IL1R2: variants seen among roughly 807,000 people sequenced by gnomAD.
IL1R2 encodes interleukin-1 receptor type 2.
A neutral mutation model predicts 39.5 loss-of-function variants in IL1R2; 46 were observed. That is an observed-to-expected ratio of 1.16 (90% CI 0.92 to 1.49). IL1R2 has a LOEUF of 1.49. Ranked by LOEUF, IL1R2 falls within the 40% of genes most tolerant of loss-of-function variation. The pLI is 0.00. For synonymous variants in IL1R2, 207 were observed against 189.6 expected, an observed-to-expected ratio of 1.09 and a Z score of -0.75; for missense variants, 537 against 502.0, an observed-to-expected ratio of 1.07 and a Z score of -0.67.
chr2:102,016,565 G>A, intron 4 of IL1R2: 1 of 153,676 alleles, frequency 6.5e-6, no homozygotes, highest in Non-Finnish European at 1.5e-5. Context: ...CCTAGGAGCA[G>A]CAGGCTGTAT....
intron 5 of IL1R2, among the ~76,000 whole-genome samples, chr2:102,021,375 G>A (rs1243512782): frequency 1.3e-5 from 2 of 150,004 alleles, no homozygotes; most frequent in East Asian, 2.0e-4. Context: ...GAGTGCAATG[G>A]CGCGATCTCG....
chr2:101,992,324 G>A (rs1228744989), intron 1 of IL1R2, among the ~76,000 whole-genome samples: 1 of 149,924 alleles, frequency 6.7e-6, no homozygotes, highest in East Asian at 1.9e-4. Flanking sequence ...GACAGAGACA[G>A]AGAGAGGCAG....
At chr2:102,018,886 A>G (rs563779682) in intron 4 of IL1R2, among the ~76,000 whole-genome samples, 1 of 152,360 alleles carries the variant, frequency 6.6e-6, no homozygotes, top group Non-Finnish European at 1.5e-5. Context: ...GTGGTACTTC[A>G]TGAGCCATGT....
Position 102,015,866 on chromosome 2 carries a change from A to G in IL1R2, c.333-5A>G. The G allele has an allele frequency of 6.2e-7, 1 of 1,606,336 alleles. No individual in the cohort carries two copies. Among genetic ancestry groups the G allele is most frequent in the Non-Finnish European group, 8.5e-7 (1 of 1,174,106 alleles). On this transcript the variant is annotated splice_polypyrimidine_tract_variant and splice_region_variant and intron_variant, in intron 3 of 8. Coordinates refer to ENST00000332549, the MANE Select transcript of IL1R2 (RefSeq NM_004633.4). ...CATTTATCTTTTTTTTCCCTTTTAA[A>G]TCAGAAATGCTTCTTACTGTGACAA...
intron 4 of IL1R2, among the ~76,000 whole-genome samples, chr2:102,017,364 T>C (rs1577719554): frequency 7.1e-6 from 1 of 141,614 alleles, no homozygotes; most frequent in South Asian, 2.3e-4. Flanking sequence ...GCCATTGCAC[T>C]CCAGCCTGGG....
intron 8 of IL1R2, among the ~76,000 whole-genome samples, chr2:102,026,796 T>G (rs1340077997): frequency 5.3e-5 from 8 of 152,238 alleles, no homozygotes; most frequent in Non-Finnish European, 1.0e-4. Context: ...TTTGATTAAA[T>G]TGATTTCATA....
At chr2:102,010,737 T>A (rs1369346419) in intron 3 of IL1R2, among the ~76,000 whole-genome samples, 1 of 152,178 alleles carries the variant, frequency 6.6e-6, no homozygotes, top group East Asian at 1.9e-4. Context: ...TGTTGCTTTC[T>A]TCCCCTTTAA....
intron 1 of IL1R2, among the ~76,000 whole-genome samples, chr2:101,995,509 C>A (rs1047793618): frequency 3.3e-5 from 5 of 152,312 alleles, no homozygotes; most frequent in Admixed American, 6.5e-5. Flanking sequence ...TGATTTCAGT[C>A]TGGTGGGACC....
chr2:102,016,013 A>G lies in IL1R2; in HGVS notation c.475A>G (p.Thr159Ala). The change falls in exon 4 of 9, where the codon ACC becomes GCC. Residue 159 changes from threonine to alanine, a missense_variant. Transcript: ENST00000332549. ...VLVCPDLSEF[T>A]RDKTDVKIQW... is the part of the protein sequence containing the mutation. Reference sequence around the variant, plus strand: ...AGTATGCCCTGACCTGAGTGAATTCACCCGTGACAAAACTGACGTGAAGAT... The same window carrying G: ...AGTATGCCCTGACCTGAGTGAATTCGCCCGTGACAAAACTGACGTGAAGAT... 14 of 1,613,950 alleles carry G rather than the reference A, an allele frequency of 8.7e-6. No individual in the cohort carries two copies. The highest frequency in any genetic ancestry group is 1.2e-5 in the Non-Finnish European group (14 of 1,179,932).
At chr2:102,024,184 T>G (rs961341183) in intron 6 of IL1R2, among the ~76,000 whole-genome samples, 1 of 151,932 alleles carries the variant, frequency 6.6e-6, no homozygotes, top group Non-Finnish European at 1.5e-5. Flanking sequence ...AGAGAAAGAA[T>G]CCACACATTG....
chr2:102,014,197 C>A (rs577953603), intron 3 of IL1R2, among the ~76,000 whole-genome samples: 1 of 152,284 alleles, frequency 6.6e-6, no homozygotes, highest in East Asian at 1.9e-4. Flanking sequence ...TTTCCCAGAG[C>A]CTTGCTGGGC....
chr2:102,022,666 G>A (rs1480902958), intron 6 of IL1R2, among the ~76,000 whole-genome samples: 2 of 152,186 alleles, frequency 1.3e-5, no homozygotes, highest in African/African-American at 4.8e-5. Context: ...GACTCCATTT[G>A]TAAAGTGGGC....
At chr2:102,006,583 A>G (rs1339534016) in intron 1 of IL1R2, among the ~76,000 whole-genome samples, 1 of 152,222 alleles carries the variant, frequency 6.6e-6, no homozygotes, top group Non-Finnish European at 1.5e-5. Flanking sequence ...GGAGCAGGGA[A>G]CAACTCAAGG....
At chr2:102,018,155 C>T (rs1407408427) in intron 4 of IL1R2, among the ~76,000 whole-genome samples, 4 of 152,198 alleles carry the variant, frequency 2.6e-5, no homozygotes, top group African/African-American at 7.2e-5. Flanking sequence ...AGGCTGGCCT[C>T]GAACTCCTGG....
At chr2:101,995,240 A>G (rs1675530114) in intron 1 of IL1R2, among the ~76,000 whole-genome samples, 1 of 152,238 alleles carries the variant, frequency 6.6e-6, no homozygotes, top group African/African-American at 2.4e-5. Flanking sequence ...GAGCTGTTTA[A>G]AAGAGGATCA....
At chr2:102,001,146 A>T (rs1409521423) in intron 1 of IL1R2, among the ~76,000 whole-genome samples, 1 of 152,202 alleles carries the variant, frequency 6.6e-6, no homozygotes, top group Non-Finnish European at 1.5e-5. Context: ...CTCACAGGGA[A>T]TGGAATGTTG....
At chr2:102,011,344 A>C (rs930061272) in intron 3 of IL1R2, among the ~76,000 whole-genome samples, 1 of 152,194 alleles carries the variant, frequency 6.6e-6, no homozygotes, top group Non-Finnish European at 1.5e-5. Context: ...ACCATTTTTC[A>C]TTCCCAACAA....
At chr2:101,995,816 A>T (rs902192570) in intron 1 of IL1R2, among the ~76,000 whole-genome samples, 4 of 152,176 alleles carry the variant, frequency 2.6e-5, no homozygotes, top group African/African-American at 7.2e-5. Flanking sequence ...AACAGAATTT[A>T]CGGAGACCAG....
At chr2:102,003,981 CGGTCTG>C in intron 1 of IL1R2, among the ~76,000 whole-genome samples, 2 of 119,288 alleles carry the variant, frequency 1.7e-5, no homozygotes, top group African/African-American at 6.0e-5. Flanking sequence ...GTCTTGGTCT[CGGTCTG>C]GGTCTATGTC....
Sources: gnomAD v4.1 joint callset for allele counts (sites outside exome capture counted in the v4.1 genomes callset) on GRCh38, gnomAD v4.1.1 for gene constraint, MANE v1.5 for transcripts, NCBI Gene and HGNC (gene_info 2026-07-23, HGNC 2026-07-21) for gene names.